PARD3B: variants seen among roughly 807,000 people sequenced by gnomAD.
PARD3B encodes par-3 family cell polarity regulator beta, also known as partitioning defective 3 homolog B.
In PARD3B, 103 loss-of-function variants were observed where a neutral mutation model predicts 130.2. The ratio of observed to expected loss-of-function variants is 0.79; its 90% CI spans 0.67 to 0.93. The LOEUF is 0.93. Among genes scored for constraint, PARD3B ranks in the 40% least tolerant of loss-of-function variants. The probability of loss-of-function intolerance (pLI) is 0.00; values close to 1 mark genes in which losing one functional copy is unlikely to be tolerated. For synonymous variants in PARD3B, 583 were observed against 553.2 expected (o/e 1.05, Z -0.76); for missense variants, 1,609 against 1,499.2 (o/e 1.07, Z -1.21).
intron 16 of PARD3B, among the ~76,000 whole-genome samples, chr2:205,294,458 CTATT>C (rs543118100): frequency 1.9e-4 from 29 of 152,136 alleles, no homozygotes; most frequent in African/African-American, 5.1e-4. Flanking sequence ...AAAATTTTGA[CTATT>C]TGTTTGTGAA....
chr2:205,566,604 T>C (rs1650023582), intron 22 of PARD3B, among the ~76,000 whole-genome samples: 1 of 152,148 alleles, frequency 6.6e-6, no homozygotes, highest in Non-Finnish European at 1.5e-5. Context: ...AGATTTGAGG[T>C]ACCTTTCAGA....
rs1425220580 is a variant in PARD3B at position 205,121,034 on chromosome 2, G to C, written c.807-557G>C. Reference sequence around the variant, plus strand: ...GTGCATGTTGGATTGAAATTCCACTGAGACATTTTGGCACAGCCAAAGCAC... The same window carrying C: ...GTGCATGTTGGATTGAAATTCCACTCAGACATTTTGGCACAGCCAAAGCAC... On this transcript the variant is annotated intron_variant, in intron 7 of 22. Coordinates refer to ENST00000406610, the MANE Select transcript of PARD3B (RefSeq NM_001302769.2). This position sits in a 1 kb window ranked among gnomAD's most constrained non-coding sequence, Gnocchi z 5.0. Among the ~76,000 whole-genome samples, 1 of 152,202 alleles carries C rather than the reference G, an allele frequency of 6.6e-6. No homozygotes were observed. The highest frequency in any genetic ancestry group is 1.5e-5 in the Non-Finnish European group (1 of 68,030).
intron 18 of PARD3B, among the ~76,000 whole-genome samples, chr2:205,339,139 G>A (rs2105801791): frequency 6.6e-6 from 1 of 152,182 alleles, no homozygotes; most frequent in East Asian, 1.9e-4. Flanking sequence ...GATAACTCAA[G>A]TTTATATAGT....
intron 8 of PARD3B, among the ~76,000 whole-genome samples, chr2:205,123,130 G>A (rs1358968129): frequency 3.9e-5 from 6 of 152,134 alleles, no homozygotes; most frequent in African/African-American, 9.7e-5. Flanking sequence ...TGAAGACAAG[G>A]CCAAACAACA....
chr2:205,417,189 C>T (rs1423465686), intron 19 of PARD3B, among the ~76,000 whole-genome samples: 4 of 150,364 alleles, frequency 2.7e-5, no homozygotes, highest in African/African-American at 9.8e-5. Flanking sequence ...GTTTGGTTTT[C>T]TGTCCTTGTG....
At chr2:204,618,899 TTCTA>T (rs1446797225) in intron 1 of PARD3B, among the ~76,000 whole-genome samples, 1 of 152,230 alleles carries the variant, frequency 6.6e-6, no homozygotes, top group African/African-American at 2.4e-5. Context: ...CTTATGATTT[TTCTA>T]TCTTATTTTG....
chr2:204,955,415 A>G (rs1377600035), intron 2 of PARD3B, among the ~76,000 whole-genome samples: 1 of 152,232 alleles, frequency 6.6e-6, no homozygotes, highest in Non-Finnish European at 1.5e-5. Flanking sequence ...TGTGCATAGG[A>G]ACGTATGTGG....
intron 2 of PARD3B, among the ~76,000 whole-genome samples, chr2:204,932,508 T>C (rs1292054841): frequency 6.6e-6 from 1 of 152,156 alleles, no homozygotes; most frequent in Admixed American, 6.6e-5. Context: ...GAAAAAATGG[T>C]ATCCTTTCTC....
chr2:205,003,155 G>A (rs1026369342), intron 3 of PARD3B, among the ~76,000 whole-genome samples: 1 of 152,168 alleles, frequency 6.6e-6, no homozygotes, highest in Admixed American at 6.5e-5. Flanking sequence ...GGTCTTTATT[G>A]TGCTGTGCCA....
At chr2:204,652,733 T>C (rs2035521690) in intron 1 of PARD3B, among the ~76,000 whole-genome samples, 1 of 145,372 alleles carries the variant, frequency 6.9e-6, no homozygotes, top group Non-Finnish European at 1.5e-5. Flanking sequence ...CTGGGTAATT[T>C]ATGAGCAAAA....
At chr2:204,773,727 C>CAT (rs1370814580) in intron 2 of PARD3B, among the ~76,000 whole-genome samples, 1 of 152,066 alleles carries the variant, frequency 6.6e-6, no homozygotes, top group Non-Finnish European at 1.5e-5. Context: ...TTGAAGCCAA[C>CAT]ATTATCGTTT....
chr2:205,550,337 G>C lies in PARD3B; in HGVS notation c.3181-2987G>C, dbSNP rs368109283. Among the ~76,000 whole-genome samples the C allele has an allele frequency of 5.9e-5, 9 of 152,126 alleles. 1 individual carries two copies. The highest frequency in any genetic ancestry group is 2.2e-4 in the African/African-American group (9 of 41,422). ...ACAGTGATCTCATTGTACCACAATT[G>C]TTTGCAGGCCTGTTTCCATGAGGAG... On this transcript the variant is annotated intron_variant, in intron 21 of 22. Transcript: ENST00000406610. This position sits in a 1 kb window ranked among gnomAD's most constrained non-coding sequence, Gnocchi z 4.5.
At position 205,264,987 on chromosome 2, in the gene PARD3B, G is replaced by C. The variant is rs555843032; in HGVS notation, c.2185+19165G>C. 8.6e-5 allele frequency among the ~76,000 whole-genome samples: 13 copies of C among 151,144 alleles called. 1 individual carries two copies. The highest frequency in any genetic ancestry group is 1.9e-4 in the Non-Finnish European group (13 of 67,606). ...GTTTGCCTACTTCTTGCTTGTGTTT[G>C]TTGGCATTAATGCTGAAGTTTTGAC... On this transcript the variant is annotated intron_variant, in intron 16 of 22. Coordinates refer to ENST00000406610, the MANE Select transcript of PARD3B (RefSeq NM_001302769.2).
chr2:205,045,462 G>A (rs961565399), intron 3 of PARD3B, among the ~76,000 whole-genome samples: 1 of 151,926 alleles, frequency 6.6e-6, no homozygotes, highest in African/African-American at 2.4e-5. Context: ...TGGCCAGACT[G>A]GTCTCGAACT....
At chr2:205,522,723 C>A (rs1213251074) in intron 21 of PARD3B, among the ~76,000 whole-genome samples, 1 of 151,882 alleles carries the variant, frequency 6.6e-6, no homozygotes, top group Non-Finnish European at 1.5e-5. Flanking sequence ...TGAGTCAGCA[C>A]CGATTATTAT....
chr2:205,579,330 T>G (rs2053878961), intron 22 of PARD3B, among the ~76,000 whole-genome samples: 2 of 151,926 alleles, frequency 1.3e-5, no homozygotes, highest in South Asian at 4.1e-4. Flanking sequence ...GGCTCTCTCA[T>G]CCTCATCCTC....
chr2:204,730,254 A>C (rs984120231), intron 2 of PARD3B, among the ~76,000 whole-genome samples: 6 of 152,028 alleles, frequency 3.9e-5, no homozygotes, highest in Admixed American at 2.6e-4. Flanking sequence ...TTTTTAGTGG[A>C]GATGGGGCTT....
chr2:204,747,978 A>G (rs1181975331), intron 2 of PARD3B, among the ~76,000 whole-genome samples: 1 of 151,934 alleles, frequency 6.6e-6, no homozygotes, highest in Non-Finnish European at 1.5e-5. Flanking sequence ...GAGTAAGACT[A>G]CTCCCAGTAC....
chr2:205,602,348 G>T (rs2054820120), intron 22 of PARD3B, among the ~76,000 whole-genome samples: 1 of 152,084 alleles, frequency 6.6e-6, no homozygotes, highest in Non-Finnish European at 1.5e-5. Context: ...TCTTTTTGTT[G>T]CATCTCTGGC....
Sources: allele counts gnomAD v4.1 joint callset (sites outside exome capture counted in the v4.1 genomes callset), GRCh38; gene constraint gnomAD v4.1.1; non-coding constraint Gnocchi (gnomAD v3.1); transcripts MANE v1.5; gene names NCBI Gene and HGNC (gene_info 2026-07-23, HGNC 2026-07-21).